NUDT13: variants seen among roughly 807,000 people sequenced by gnomAD.
The protein encoded by NUDT13 is nudix hydrolase 13, also known as NAD(P)H pyrophosphatase NUDT13, mitochondrial.
In NUDT13, 40 loss-of-function variants were observed where a neutral mutation model predicts 41.7. That is an observed-to-expected ratio of 0.96 (90% confidence interval 0.75 to 1.25). NUDT13 has a LOEUF of 1.25. NUDT13 is among the 50% of genes most tolerant of loss of function. The pLI is 0.00. For synonymous variants in NUDT13, 145 were observed against 155.5 expected (o/e 0.93, Z 0.50); for missense variants, 390 against 416.1 (o/e 0.94, Z 0.55).
chr10:73,122,097 G>A, intron 3 of NUDT13, 78 bp from the exon 4 acceptor site: 1 of 1,476,820 alleles, frequency 6.8e-7, no homozygotes, highest in East Asian at 2.4e-5. Context: ...ATGATTTTCT[G>A]TGAGTCTAAT....
chr10:73,122,144 G>C (rs769284354), intron 3 of NUDT13, 31 bp from the exon 4 acceptor site: 94 of 1,604,292 alleles, frequency 5.9e-5, no homozygotes, highest in Non-Finnish European at 8.0e-5. Context: ...CTTGTGTTTT[G>C]CTTTTCTCCC....
intron 1 of NUDT13, among the ~76,000 whole-genome samples, chr10:73,113,249 G>A (rs1403992950): frequency 2.0e-5 from 3 of 152,180 alleles, no homozygotes; most frequent in Non-Finnish European, 4.4e-5. Context: ...TAACGTTCTT[G>A]TACATATCCT....
chr10:73,126,977 C>A, intron 8 of NUDT13, 150 bp downstream of exon 8: 1 of 707,070 alleles, frequency 1.4e-6, no homozygotes, highest in African/African-American at 1.8e-5. Context: ...AGCACGGTGG[C>A]TCATGCCTGT....
intron 8 of NUDT13, chr10:73,130,473 A>T (rs191581619): frequency 0.15 from 23,820 of 157,580 alleles, 2,126 homozygotes; most frequent in East Asian, 0.3. Flanking sequence ...AAAAAAAAAA[A>T]ATATATATAT....
At chr10:73,123,676 A>G (rs1842701273) in intron 4 of NUDT13, among the ~76,000 whole-genome samples, 1 of 151,934 alleles carries the variant, frequency 6.6e-6, no homozygotes, top group Non-Finnish European at 1.5e-5. Context: ...ATATTTATTT[A>G]TTTTGAGATG....
rs1842913275 is a variant in NUDT13 at position 73,131,284 on chromosome 10, G to A, written c.*381G>A. 2 of 189,222 alleles carry A rather than the reference G, an allele frequency of 1.1e-5. No homozygotes were observed. The highest frequency in any genetic ancestry group is 2.3e-5 in the Non-Finnish European group (2 of 88,684). 11.7% of individuals were successfully genotyped at this position (189,222 alleles called of 1,614,324 possible). On this transcript the variant is annotated 3_prime_UTR_variant, in exon 9 of 9. Transcript: ENST00000357321. ...GCCAAAATGTGCCTGTTGTAAGTTTGGTTAAAACTTTTATCTTAGTATTGA... is the reference window on the plus strand; with the variant it reads ...GCCAAAATGTGCCTGTTGTAAGTTTAGTTAAAACTTTTATCTTAGTATTGA...
chr10:73,122,420 T>A, intron 4 of NUDT13, 111 bp downstream of exon 4: 1 of 1,040,306 alleles, frequency 9.6e-7, no homozygotes, highest in Non-Finnish European at 1.4e-6. Context: ...GTTATCAACT[T>A]TCTATTTTTT....
At chr10:73,124,392 C>A in intron 5 of NUDT13, 72 bp downstream of exon 5, 1 of 1,006,060 alleles carries the variant, frequency 9.9e-7, no homozygotes, top group Non-Finnish European at 1.6e-6. Flanking sequence ...TGTGTACACA[C>A]AAGGCTAGAG....
chr10:73,119,452 T>C (rs944508003), intron 2 of NUDT13: 7 of 980,620 alleles, frequency 7.1e-6, no homozygotes, highest in African/African-American at 1.8e-5. Context: ...CTTCCCTAGA[T>C]TGAATGAGGG....
chr10:73,120,745 T>C (rs1456446648), intron 3 of NUDT13, among the ~76,000 whole-genome samples: 1 of 151,678 alleles, frequency 6.6e-6, no homozygotes, highest in East Asian at 2.0e-4. Flanking sequence ...AAGACCAACC[T>C]GGCTAACACG....
At position 73,124,319 on chromosome 10, in the gene NUDT13, C is replaced by G. The variant is rs200833463; in HGVS notation, c.464C>G (p.Thr155Arg). 6.2e-7 allele frequency: 1 copy of G among 1,601,446 alleles called. No individual in the cohort carries two copies. The highest frequency in any genetic ancestry group is 8.6e-7 in the Non-Finnish European group (1 of 1,169,578). ...LNARDASLLS[T>R]AQALLRWHDA... is the part of the protein sequence containing the mutation. ...GCAAGGGATGCCTCCTTGCTGTCCA[C>G]GGTAGATTCTGATTTCTCATTCTGT... The change falls in exon 5 of 9, where the codon ACG (threonine) becomes AGG (arginine). Residue 155 changes from threonine (T) to arginine (R), a missense_variant and splice_region_variant. Thr to Arg is a moderately conservative substitution (Grantham distance 71). Coordinates refer to ENST00000357321, the MANE Select transcript of NUDT13 (RefSeq NM_015901.6).
intron 7 of NUDT13, chr10:73,126,149 G>A: frequency 3.6e-6 from 1 of 277,392 alleles, no homozygotes; most frequent in East Asian, 8.8e-5. Flanking sequence ...CCAGATTCCT[G>A]TTGGGTGTGT....
intron 8 of NUDT13, chr10:73,130,135 GTATCT>G (rs1411693089): frequency 6.6e-6 from 1 of 150,996 alleles, no homozygotes; most frequent in Non-Finnish European, 1.5e-5. Flanking sequence ...TTTATTTAAT[GTATCT>G]TATCTTTTTT....
chr10:73,111,926 AT>A (rs1054037936), intron 1 of NUDT13, among the ~76,000 whole-genome samples: 2 of 151,532 alleles, frequency 1.3e-5, no homozygotes, highest in African/African-American at 4.9e-5. Context: ...CACATGGCTA[AT>A]TTTTTTTTCA....
At chr10:73,124,001 C>A (rs900933813) in intron 4 of NUDT13, among the ~76,000 whole-genome samples, 3 of 152,080 alleles carry the variant, frequency 2.0e-5, no homozygotes, top group African/African-American at 7.2e-5. Flanking sequence ...AAGATCATAG[C>A]GCACTGTATG....
rs1215733831 is a variant in NUDT13 at position 73,128,065 on chromosome 10, T to C, written c.858+1238T>C. 2.6e-5 allele frequency among the ~76,000 whole-genome samples: 4 copies of C among 152,218 alleles called. No homozygotes were observed. The East Asian group carries it at 5.8e-4, about 22-fold the overall frequency. ...CTTTCTGTGTCTGGCTTATTTCACT[T>C]AGCATGTCCTTTGGGCCTATCTATC... On this transcript the variant is annotated intron_variant, in intron 8 of 8. Coordinates refer to ENST00000357321, the MANE Select transcript of NUDT13 (RefSeq NM_015901.6).
rs1027393697 is a variant in NUDT13 at position 73,126,905 on chromosome 10, C to A, written c.858+78C>A. The stretch of plus-strand genomic sequence containing the variant: ...TGCTCATCAGCAAGTACTTATTAAG[C>A]ACTTGTCTAGTCCAGCATCATCTAG... On this transcript the variant is annotated intron_variant, in intron 8 of 8. Transcript: ENST00000357321. 5.7e-6 allele frequency: 7 copies of A among 1,227,992 alleles called. No individual in the cohort carries two copies. The East Asian group carries it at 1.6e-4, about 29-fold the overall frequency. 76.1% of individuals were successfully genotyped at this position (1,227,992 alleles called of 1,614,324 possible).
intron 3 of NUDT13, 31 bp downstream of exon 3, chr10:73,120,188 C>T: frequency 6.2e-7 from 1 of 1,605,962 alleles, no homozygotes; most frequent in East Asian, 2.2e-5. Context: ...TGGCGTTGAC[C>T]AGCCTGTGGC....
chr10:73,126,829 T>C lies in NUDT13; in HGVS notation c.858+2T>C. On this transcript the variant is annotated splice_donor_variant, in intron 8 of 8. Transcript: ENST00000357321. LOFTEE classifies it high-confidence loss of function. ...ACTGTGAAACCAGGGCAGACAGAAG[T>C]AAGTTCTCATCTTCCCTTATACTGT... 6.2e-7 allele frequency: 1 copy of C among 1,613,538 alleles called. No individual in the cohort carries two copies. The highest frequency in any genetic ancestry group is 8.5e-7 in the Non-Finnish European group (1 of 1,179,488).
Sources: allele counts gnomAD v4.1 joint callset (sites outside exome capture counted in the v4.1 genomes callset), GRCh38; gene constraint gnomAD v4.1.1; transcripts MANE v1.5; gene names NCBI Gene and HGNC (gene_info 2026-07-23, HGNC 2026-07-21).